CYP19A1: variants seen among roughly 807,000 people sequenced by gnomAD.
CYP19A1 encodes cytochrome P450 family 19 subfamily A member 1, also known as aromatase.
A neutral mutation model predicts 44.4 loss-of-function variants in CYP19A1; 32 were observed. The ratio of observed to expected loss-of-function variants is 0.72; its 90% CI spans 0.54 to 0.97. The LOEUF is 0.97. Ranked by LOEUF, CYP19A1 falls within the 50% of genes least tolerant of loss-of-function variation. The pLI, the probability that CYP19A1 is intolerant of heterozygous loss-of-function variation, is 0.00. For missense variants in CYP19A1, 598 were observed against 637.8 expected, an observed-to-expected ratio of 0.94 and a Z score of 0.67; for synonymous variants, 212 against 215.6, an observed-to-expected ratio of 0.98 and a Z score of 0.14.
chr15:51,294,416 G>C (rs1488372944), intron 1 of CYP19A1, among the ~76,000 whole-genome samples: 2 of 150,688 alleles, frequency 1.3e-5, no homozygotes, highest in Non-Finnish European at 3.0e-5. Flanking sequence ...CGTCTGAGAA[G>C]TGAGGAGACC....
chr15:51,287,084 C>T (rs2035721291), intron 1 of CYP19A1, among the ~76,000 whole-genome samples: 1 of 152,180 alleles, frequency 6.6e-6, no homozygotes, highest in South Asian at 2.1e-4. Context: ...CTGGACATGA[C>T]TTATCCAATG....
chr15:51,229,060 G>T (rs1409189742), intron 3 of CYP19A1, among the ~76,000 whole-genome samples: 1 of 152,076 alleles, frequency 6.6e-6, no homozygotes, highest in Admixed American at 6.6e-5. Flanking sequence ...CATTCCCAGA[G>T]GACTCTAGAC....
intron 1 of CYP19A1, among the ~76,000 whole-genome samples, chr15:51,332,467 T>G (rs1458205000): frequency 6.6e-6 from 1 of 152,240 alleles, no homozygotes; most frequent in Non-Finnish European, 1.5e-5. Flanking sequence ...TCTTCTATTT[T>G]CAGCAATTAT....
chr15:51,277,045 GA>G (rs2035337437), intron 1 of CYP19A1: 1 of 151,690 alleles, frequency 6.6e-6, no homozygotes, highest in Non-Finnish European at 1.5e-5. Flanking sequence ...GAAAGAGAAA[GA>G]AAGAAAAAAG....
At chr15:51,332,096 T>C (rs2036711409) in intron 1 of CYP19A1, among the ~76,000 whole-genome samples, 1 of 152,188 alleles carries the variant, frequency 6.6e-6, no homozygotes, top group African/African-American at 2.4e-5. Flanking sequence ...ATTTATTACT[T>C]ATTTAAGCCC....
chr15:51,275,379 C>T (rs2035271626), intron 1 of CYP19A1, among the ~76,000 whole-genome samples: 1 of 152,216 alleles, frequency 6.6e-6, no homozygotes, highest in Admixed American at 6.5e-5. Flanking sequence ...TCACCTCCAG[C>T]CCTACTCAGA....
chr15:51,214,727 A>G (rs2031392943), intron 8 of CYP19A1, among the ~76,000 whole-genome samples: 1 of 152,250 alleles, frequency 6.6e-6, no homozygotes, highest in Non-Finnish European at 1.5e-5. Flanking sequence ...AAAAGATTTT[A>G]GCAAATACAC....
intron 1 of CYP19A1, among the ~76,000 whole-genome samples, chr15:51,291,999 C>G (rs753947469): frequency 3.2e-4 from 48 of 152,244 alleles, no homozygotes. Flanking sequence ...CAGTCCAACA[C>G]ACTGTGACCT....
intron 1 of CYP19A1, among the ~76,000 whole-genome samples, chr15:51,337,252 A>G (rs2036791699): frequency 6.6e-6 from 1 of 152,234 alleles, no homozygotes; most frequent in African/African-American, 2.4e-5. Flanking sequence ...AAGAAATAGG[A>G]TGTGGAAGAA....
Position 51,209,246 on chromosome 15 carries a change from G to A in CYP19A1, c.*1562C>T, listed in dbSNP as rs956163350. 6.6e-6 allele frequency: 1 copy of A among 152,148 alleles called. No homozygotes were observed. Among genetic ancestry groups the A allele is most frequent in the African/African-American group, 2.4e-5 (1 of 41,432 alleles). The allele number at this position is 152,148 out of a possible 1,614,324, so 9.4% of individuals were successfully genotyped here. Reference sequence around the variant, plus strand: ...ATACCTACCTCTTTATTTGGTTTCTGCATCAGTTGGGAGTATCTCTGAGCA... The same window carrying A: ...ATACCTACCTCTTTATTTGGTTTCTACATCAGTTGGGAGTATCTCTGAGCA... On this transcript the variant is annotated 3_prime_UTR_variant, in exon 10 of 10. Coordinates refer to ENST00000396402, the MANE Select transcript of CYP19A1 (RefSeq NM_000103.4).
At chr15:51,258,601 C>T (rs1239280781) in intron 1 of CYP19A1, among the ~76,000 whole-genome samples, 1 of 150,100 alleles carries the variant, frequency 6.7e-6, no homozygotes, top group Non-Finnish European at 1.5e-5. Context: ...TTGGAAAAGG[C>T]CCTCCTTCAG....
rs28757074 is a variant in CYP19A1, at chr15:51,332,828, G to GC, written c.-39+5666dup. On this transcript the variant is annotated intron_variant, in intron 1 of 9. Coordinates refer to ENST00000396402, the MANE Select transcript of CYP19A1 (RefSeq NM_000103.4). ...AGGTGTCATAGAAGAGAAAGTTGAT[G>GC]CCCCCATGATCCTTCTTCCCCTATA... Among the ~76,000 whole-genome samples, 1,319 of 152,226 alleles carry GC rather than the reference G, an allele frequency of 8.7e-3. 17 individuals are homozygous for GC. The highest frequency in any genetic ancestry group is 0.031 in the African/African-American group (1,272 of 41,526).
At chr15:51,307,632 G>A (rs567716682) in intron 1 of CYP19A1, among the ~76,000 whole-genome samples, 1 of 152,282 alleles carries the variant, frequency 6.6e-6, no homozygotes, top group South Asian at 2.1e-4. Flanking sequence ...CGAGCTATGA[G>A]ATTCCATGGG....
chr15:51,330,547 G>C (rs1309195561), intron 1 of CYP19A1, among the ~76,000 whole-genome samples: 1 of 152,192 alleles, frequency 6.6e-6, no homozygotes, highest in Non-Finnish European at 1.5e-5. Context: ...TTTGAGTCTA[G>C]AGCTCCAAAG....
chr15:51,248,600 T>C lies in CYP19A1; in HGVS notation c.-38-5650A>G, dbSNP rs553747212. On this transcript the variant is annotated intron_variant, in intron 1 of 9. Transcript: ENST00000396402. ...CATTAATTCATGAAAAGTCAAATTC[T>C]TCCCTCTGTTTCCTCTCCTTCTAGA... Among the ~76,000 whole-genome samples, 421 of 152,358 alleles carry C rather than the reference T, an allele frequency of 2.8e-3. 1 individual carries two copies. Among genetic ancestry groups the C allele is most frequent in the Non-Finnish European group, 4.9e-3 (330 of 68,026 alleles).
chr15:51,245,453 C>T (rs2034010337), intron 1 of CYP19A1, among the ~76,000 whole-genome samples: 1 of 152,196 alleles, frequency 6.6e-6, no homozygotes, highest in Non-Finnish European at 1.5e-5. Context: ...AACTCGTCAT[C>T]TGCATGGGCA....
At chr15:51,305,599 C>A (rs534903543) in intron 1 of CYP19A1, among the ~76,000 whole-genome samples, 1 of 152,076 alleles carries the variant, frequency 6.6e-6, no homozygotes, top group Non-Finnish European at 1.5e-5. Flanking sequence ...CTCACTCTGT[C>A]GCCCAGGATG....
intron 1 of CYP19A1, among the ~76,000 whole-genome samples, chr15:51,270,740 T>C (rs2035093082): frequency 6.6e-6 from 1 of 152,186 alleles, no homozygotes; most frequent in East Asian, 1.9e-4. Context: ...CCAAAATCCA[T>C]CCGTCTGACT....
chr15:51,280,780 G>A (rs2035492170), intron 1 of CYP19A1, among the ~76,000 whole-genome samples: 1 of 152,310 alleles, frequency 6.6e-6, no homozygotes, highest in South Asian at 2.1e-4. Context: ...CTGTGTCAAC[G>A]AATGTAGTCC....
Sources: allele counts gnomAD v4.1 joint callset (sites outside exome capture counted in the v4.1 genomes callset), GRCh38; gene constraint gnomAD v4.1.1; transcripts MANE v1.5; gene names NCBI Gene and HGNC (gene_info 2026-07-23, HGNC 2026-07-21).